The following ACO1 variants were observed in gnomAD, a reference collection of about 807,000 sequenced individuals.
ACO1 encodes cytoplasmic aconitate hydratase.
A neutral mutation model predicts 105.1 loss-of-function variants in ACO1; 78 were observed. That is an observed-to-expected ratio of 0.74 (90% CI 0.62 to 0.90). ACO1 has a LOEUF of 0.90. Ranked by LOEUF, ACO1 falls within the 40% of genes least tolerant of loss-of-function variation. ACO1 has a pLI of 0.00. For synonymous variants in ACO1, 364 were observed against 397.4 expected, an observed-to-expected ratio of 0.92 and a Z score of 1.00; for missense variants, 965 against 1,111.1, an observed-to-expected ratio of 0.87 and a Z score of 1.87.
At chr9:32,386,229 G>A (rs1821153663) in intron 1 of ACO1, 1 of 152,260 alleles carries the variant, frequency 6.6e-6, no homozygotes, top group African/African-American at 2.4e-5. Flanking sequence ...TAGTCAGGAA[G>A]TTATTTCCAA....
chr9:32,450,081 C>A lies in ACO1; in HGVS notation c.2640C>A (p.Leu880=), dbSNP rs1364741212. ...CTTATTTCCTCAACGGGGGCATCCT[C>A]AACTACATGATCCGCAAGATGGCCA... ...ELTYFLNGGI[L]NYMIRKMAK Residue 880 remains leucine (L), a synonymous_variant, in exon 21 of 21, where the codon CTC becomes CTA. Transcript: ENST00000309951. The A allele has an allele frequency of 3.7e-6, 6 of 1,613,856 alleles. No individual in the cohort carries two copies. The highest frequency in any genetic ancestry group is 5.1e-6 in the Non-Finnish European group (6 of 1,179,994).
chr9:32,413,178 T>C (rs1413741784), intron 4 of ACO1, among the ~76,000 whole-genome samples: 2 of 152,128 alleles, frequency 1.3e-5, no homozygotes, highest in South Asian at 2.1e-4. Flanking sequence ...CAAACCCACA[T>C]GTATATATAA....
intron 19 of ACO1, among the ~76,000 whole-genome samples, chr9:32,443,479 A>G (rs915815495): frequency 1.2e-4 from 18 of 152,238 alleles, no homozygotes; most frequent in Non-Finnish European, 1.8e-4. Context: ...ATCACTGTCT[A>G]TGAATCATCT....
At chr9:32,402,889 C>G (rs1821527570) in intron 1 of ACO1, among the ~76,000 whole-genome samples, 1 of 152,172 alleles carries the variant, frequency 6.6e-6, no homozygotes, top group Admixed American at 6.5e-5. Flanking sequence ...CAAAGCTAGT[C>G]TTTGGTTGCT....
Position 32,430,433 on chromosome 9 carries a change from G to C in ACO1, c.1585G>C (p.Val529Leu). ...EAITQGDLVA[V>L]GVLSGNRNFE... is the part of the protein sequence containing the mutation. Reference sequence around the variant, plus strand: ...CCTTACTCAGGGAGACCTTGTAGCTGTTGGAGTACTATCTGGAAACAGGAA... The same window carrying C: ...CCTTACTCAGGGAGACCTTGTAGCTCTTGGAGTACTATCTGGAAACAGGAA... Residue 529 changes from valine (V) to leucine (L), a missense_variant, in exon 14 of 21, where the codon GTT (valine) becomes CTT (leucine). Transcript: ENST00000309951. 6.2e-7 allele frequency: 1 copy of C among 1,611,548 alleles called. No homozygotes were observed. The highest frequency in any genetic ancestry group is 8.5e-7 in the Non-Finnish European group (1 of 1,179,046).
intron 17 of ACO1, 61 bp downstream of exon 17, chr9:32,434,762 C>T: frequency 6.3e-7 from 1 of 1,581,146 alleles, no homozygotes; most frequent in Non-Finnish European, 8.7e-7. Flanking sequence ...GTTAATGAGG[C>T]CAGCATTTCT....
At position 32,434,624 on chromosome 9, in the gene ACO1, G is replaced by A. The variant is rs200436851; in HGVS notation, c.2022G>A (p.Ser674=). 44 of 1,613,868 alleles carry A rather than the reference G, an allele frequency of 2.7e-5. No homozygotes were observed. The highest frequency in any genetic ancestry group is 3.1e-5 in the Non-Finnish European group (37 of 1,179,974). ...DAYVLLNLGD[S]VTTDHISPAG... ...ATGTGCTGCTAAATTTGGGAGATTC[G>A]GTAACAACTGACCACATCTCCCCAG... The change falls in exon 17 of 21, where the codon TCG becomes TCA. Residue 674 remains serine (S), a synonymous_variant. Coordinates refer to ENST00000309951, the MANE Select transcript of ACO1 (RefSeq NM_002197.3).
At chr9:32,443,426 C>T (rs925704702) in intron 19 of ACO1, among the ~76,000 whole-genome samples, 2 of 152,080 alleles carry the variant, frequency 1.3e-5, no homozygotes, top group African/African-American at 2.4e-5. Flanking sequence ...TCCACAAAAC[C>T]AAGTGACTTT....
chr9:32,423,422 A>T lies in ACO1; in HGVS notation c.1071+3A>T. 6.3e-7 allele frequency: 1 copy of T among 1,576,208 alleles called. No homozygotes were observed. Among genetic ancestry groups the T allele is most frequent in the East Asian group, 2.3e-5 (1 of 43,824 alleles). ...CTCAAGACCCAGACTTCACCCAGGT[A>T]TGAGAGTGCCTTCCACTGTGCATGT... On this transcript the variant is annotated splice_donor_region_variant and intron_variant, in intron 9 of 20. Coordinates refer to ENST00000309951, the MANE Select transcript of ACO1 (RefSeq NM_002197.3).
chr9:32,393,292 G>T (rs1261683957), intron 1 of ACO1, among the ~76,000 whole-genome samples: 2 of 152,134 alleles, frequency 1.3e-5, no homozygotes, highest in Admixed American at 1.3e-4. Flanking sequence ...CCTCTAAAAT[G>T]GCTGCTTTGG....
chr9:32,400,502 G>A lies in ACO1; in HGVS notation c.-22-4983G>A, dbSNP rs568691717. Among the ~76,000 whole-genome samples the A allele has an allele frequency of 1.8e-4, 28 of 152,252 alleles. No individual in the cohort carries two copies. The South Asian group carries it at 5.6e-3, about 30-fold the overall frequency. ...TTCACAGCTCTTTCTCTCTGTTGGT[G>A]AATATCAAAGGACATATTGAGGGGA... On this transcript the variant is annotated intron_variant, in intron 1 of 20. Transcript: ENST00000309951.
chr9:32,450,271 C>T lies in ACO1; in HGVS notation c.*160C>T, dbSNP rs557346762. ...TGGTGCCAATCCTGTAGGCACAAAACCAGAAGTTTCTACATTCTCTATTTT... is the reference window on the plus strand; with the variant it reads ...TGGTGCCAATCCTGTAGGCACAAAATCAGAAGTTTCTACATTCTCTATTTT... On this transcript the variant is annotated 3_prime_UTR_variant, in exon 21 of 21. Coordinates refer to ENST00000309951, the MANE Select transcript of ACO1 (RefSeq NM_002197.3). 1,091 of 728,700 alleles carry T rather than the reference C, an allele frequency of 1.5e-3. 1 individual carries two copies. Among genetic ancestry groups the T allele is most frequent in the Non-Finnish European group, 2.2e-3 (881 of 393,436 alleles). The allele number at this position is 728,700 out of a possible 1,614,324, so 45.1% of individuals were successfully genotyped here. A position where few individuals can be genotyped will look rare whatever the true frequency, so the allele number is the denominator to read the frequency against.
At chr9:32,395,230 A>G (rs1282505489) in intron 1 of ACO1, among the ~76,000 whole-genome samples, 1 of 152,080 alleles carries the variant, frequency 6.6e-6, no homozygotes, top group East Asian at 1.9e-4. Context: ...AACCCCAGCA[A>G]TTTGGGAGGC....
chr9:32,405,827 A>C (rs1454458242), intron 2 of ACO1, among the ~76,000 whole-genome samples: 1 of 152,230 alleles, frequency 6.6e-6, no homozygotes, highest in African/African-American at 2.4e-5. Context: ...TATAGAGTAT[A>C]CATTTGTATC....
intron 1 of ACO1, among the ~76,000 whole-genome samples, chr9:32,391,683 C>G (rs1465624781): frequency 6.6e-6 from 1 of 152,210 alleles, no homozygotes; most frequent in East Asian, 1.9e-4. Flanking sequence ...CCTTGTCATC[C>G]TTTCTATAAC....
At chr9:32,449,671 A>G (rs1822711655) in intron 20 of ACO1, among the ~76,000 whole-genome samples, 1 of 152,212 alleles carries the variant, frequency 6.6e-6, no homozygotes, top group Non-Finnish European at 1.5e-5. Flanking sequence ...GAGCCCCCAG[A>G]GGTTTAGAAA....
In ACO1 at chr9:32,387,326, G is replaced by C. The variant is rs186686910; in HGVS notation, c.-23+2591G>C. The stretch of plus-strand genomic sequence containing the variant: ...GTGGTTTCAGAGCTGGTTTATACTA[G>C]CATTTGTGCATATCTCTTCCTAACT... On this transcript the variant is annotated intron_variant, in intron 1 of 20. Transcript: ENST00000309951. Among the ~76,000 whole-genome samples the C allele has an allele frequency of 3.9e-5, 6 of 152,278 alleles. No homozygotes were observed. In the South Asian group the frequency reaches 1.0e-3, roughly 26 times the overall value.
intron 4 of ACO1, among the ~76,000 whole-genome samples, chr9:32,413,213 C>T (rs574456786): frequency 4.6e-5 from 7 of 152,244 alleles, no homozygotes; most frequent in African/African-American, 7.2e-5. Context: ...CTAGCCGGGG[C>T]GGTGGCTCGC....
At chr9:32,407,181 CTTTA>C (rs1821629933) in intron 2 of ACO1, 76 bp from the exon 3 acceptor site, 1 of 1,353,774 alleles carries the variant, frequency 7.4e-7, no homozygotes, top group Admixed American at 1.8e-5. Context: ...CTCATATCAA[CTTTA>C]TATAGAGATT....
Sources: allele counts gnomAD v4.1 joint callset (sites outside exome capture counted in the v4.1 genomes callset), GRCh38; gene constraint gnomAD v4.1.1; transcripts MANE v1.5; gene names NCBI Gene and HGNC (gene_info 2026-07-23, HGNC 2026-07-21).